Variants in SEMA7A observed in about 807,000 individuals in gnomAD.
SEMA7A encodes semaphorin 7A (JohnMiltonHagen blood group).
SEMA7A carries 21 observed loss-of-function variants against 67.5 expected under a neutral mutation model. The observed-to-expected ratio is 0.31, with a 90% CI of 0.22 to 0.45. The LOEUF (loss-of-function observed/expected upper bound fraction) is 0.45. SEMA7A is among the 20% of genes least tolerant of loss of function. The probability of loss-of-function intolerance (pLI) is 1.00; values close to 1 mark genes in which losing one functional copy is unlikely to be tolerated. For missense variants in SEMA7A, 774 were observed against 908.6 expected, an observed-to-expected ratio of 0.85 and a Z score of 1.90; for synonymous variants, 364 against 368.5, an observed-to-expected ratio of 0.99 and a Z score of 0.14.
chr15:74,428,081 C>G (rs906609532), intron 1 of SEMA7A, among the ~76,000 whole-genome samples: 1 of 152,218 alleles, frequency 6.6e-6, no homozygotes, highest in South Asian at 2.1e-4. Flanking sequence ...TAGCCCGAGC[C>G]GGGACACAGA....
intron 1 of SEMA7A, among the ~76,000 whole-genome samples, chr15:74,426,659 C>T (rs1207811006): frequency 6.6e-6 from 1 of 152,082 alleles, no homozygotes; most frequent in African/African-American, 2.4e-5. Context: ...GCCTGTTATC[C>T]CAGCACTTCG....
chr15:74,410,970 T>C lies in SEMA7A; in HGVS notation c.1655A>G (p.Gln552Arg), dbSNP rs1040006546. The change falls in exon 14 of 14, where the codon CAG becomes CGG. Residue 552 changes from glutamine (Q) to arginine (R), a missense_variant. Physicochemically the swap from Gln to Arg is conservative, Grantham distance 43. Transcript: ENST00000261918. This position sits in a 1 kb window ranked among gnomAD's most constrained non-coding sequence, Gnocchi z 7.5. ...AGAGTTTGGGGCCAGGGAAACCTTCTGCAGTGGGGCCTTGTCTGGGGAGGC... is the reference window on the plus strand; with the variant it reads ...AGAGTTTGGGGCCAGGGAAACCTTCCGCAGTGGGGCCTTGTCTGGGGAGGC... ...PNPKPDKAPLQKVSLAPNSRY... is the reference protein window; with the variant it reads ...PNPKPDKAPLRKVSLAPNSRY... 4 of 1,612,928 alleles carry C rather than the reference T, an allele frequency of 2.5e-6. No individual in the cohort carries two copies. The African/African-American group carries it at 4.0e-5, about 16-fold the overall frequency.
intron 1 of SEMA7A, among the ~76,000 whole-genome samples, chr15:74,431,713 C>G (rs1364738428): frequency 1.3e-5 from 2 of 152,244 alleles, no homozygotes; most frequent in African/African-American, 2.4e-5. Context: ...CCACAGGAGA[C>G]AGGAGGCAGC....
chr15:74,416,336 C>T (rs1406594926), intron 7 of SEMA7A, among the ~76,000 whole-genome samples: 11 of 152,222 alleles, frequency 7.2e-5, no homozygotes, highest in African/African-American at 2.7e-4. Flanking sequence ...CACACACACA[C>T]ACACACCCCA....
chr15:74,416,041 C>T (rs2060945355), intron 7 of SEMA7A, 56 bp from the exon 8 acceptor site: 1 of 1,559,892 alleles, frequency 6.4e-7, no homozygotes, highest in Admixed American at 1.7e-5. Context: ...CTTCCCCACA[C>T]ACCCCAGGAA....
chr15:74,410,478 C>T lies in SEMA7A; in HGVS notation c.*146G>A. On this transcript the variant is annotated 3_prime_UTR_variant, in exon 14 of 14. Transcript: ENST00000261918. The surrounding 1 kb of genome is among the most constrained non-coding windows in gnomAD (Gnocchi z 7.5). Reference sequence around the variant, plus strand: ...CCAGCAGCCGCCTGCGGCTGGACGTCTCCAGGCCTGGCATCCTCCACTGGG... The same window carrying T: ...CCAGCAGCCGCCTGCGGCTGGACGTTTCCAGGCCTGGCATCCTCCACTGGG... 1.6e-6 allele frequency: 2 copies of T among 1,276,728 alleles called. No individual in the cohort carries two copies. The highest frequency in any genetic ancestry group is 1.1e-6 in the Non-Finnish European group (1 of 934,224). The allele number at this position is 1,276,728 out of a possible 1,614,324, so 79.1% of individuals were successfully genotyped here. A position where few individuals can be genotyped will look rare whatever the true frequency, so the allele number is the denominator to read the frequency against.
intron 1 of SEMA7A, among the ~76,000 whole-genome samples, chr15:74,428,765 C>T (rs574720064): frequency 1.3e-5 from 2 of 152,280 alleles, no homozygotes; most frequent in African/African-American, 4.8e-5. Flanking sequence ...AGAGGTCCTC[C>T]GGGAGGCTGG....
intron 8 of SEMA7A, 82 bp downstream of exon 8, chr15:74,415,719 C>T (rs1379455667): frequency 2.2e-6 from 3 of 1,379,450 alleles, no homozygotes; most frequent in Non-Finnish European, 2.9e-6. Context: ...ACCAGGGAGG[C>T]CCTCAGCAGG....
chr15:74,418,423 A>T, intron 2 of SEMA7A, 114 bp from the exon 3 acceptor site: 22 of 998,714 alleles, frequency 2.2e-5, no homozygotes, highest in Non-Finnish European at 3.3e-5. Flanking sequence ...TTCTCATCTG[A>T]CAGATGAGCA....
At chr15:74,416,551 A>G (rs2060950078) in intron 7 of SEMA7A, 24 bp downstream of exon 7, 1 of 1,611,140 alleles carries the variant, frequency 6.2e-7, no homozygotes, top group Non-Finnish European at 8.5e-7. Context: ...ACACGTAGCC[A>G]GCAGCCCTCA....
At position 74,411,247 on chromosome 15, in the gene SEMA7A, G is replaced by T; in HGVS notation, c.1639+48C>A. The T allele has an allele frequency of 6.3e-7, 1 of 1,583,710 alleles. No individual in the cohort carries two copies. Among genetic ancestry groups the T allele is most frequent in the Non-Finnish European group, 8.6e-7 (1 of 1,156,328 alleles). On this transcript the variant is annotated intron_variant, in intron 13 of 13. Transcript: ENST00000261918. The surrounding 1 kb of genome is among the most constrained non-coding windows in gnomAD (Gnocchi z 4.4). ...AGACCAGGACAATCAGGGCAGGGCA[G>T]TACCCCACTCATTGGGCCACAGCCG...
rs533725561 is a variant in SEMA7A at position 74,414,725 on chromosome 15, C to T, written c.1116G>A (p.Pro372=). Residue 372 remains proline, a synonymous_variant, in exon 10 of 14, where the codon CCG becomes CCA. Transcript: ENST00000261918. This position sits in a 1 kb window ranked among gnomAD's most constrained non-coding sequence, Gnocchi z 4.1. ...CCACCTGGAAGGTCTCTGTGGGTAT[C>T]GGCTGCTGGTCTGGGAGGCACTGGG... The part of the protein sequence containing the change: ...RPGKCLPDQQ[P]IPTETFQVAD... 331 of 1,614,126 alleles carry T rather than the reference C, an allele frequency of 2.1e-4. 1 individual carries two copies. The South Asian group carries it at 3.3e-3, about 16-fold the overall frequency.
In SEMA7A at chr15:74,410,472, G is replaced by A. The variant is rs1487927398; in HGVS notation, c.*152C>T. 3 of 1,188,314 alleles carry A rather than the reference G, an allele frequency of 2.5e-6. No individual in the cohort carries two copies. In the East Asian group the frequency reaches 7.5e-5, roughly 30 times the overall value. 73.6% of individuals were successfully genotyped at this position (1,188,314 alleles called of 1,614,324 possible). A position where few individuals can be genotyped will look rare whatever the true frequency, so the allele number is the denominator to read the frequency against. On this transcript the variant is annotated 3_prime_UTR_variant, in exon 14 of 14. Transcript: ENST00000261918. This position sits in a 1 kb window ranked among gnomAD's most constrained non-coding sequence, Gnocchi z 7.5. ...TGGGGCCCAGCAGCCGCCTGCGGCT[G>A]GACGTCTCCAGGCCTGGCATCCTCC... is the stretch of plus-strand genomic sequence containing the variant.
At chr15:74,419,078 G>T in intron 1 of SEMA7A, 126 bp from the exon 2 acceptor site, 2 of 1,104,002 alleles carry the variant, frequency 1.8e-6, no homozygotes, top group Non-Finnish European at 2.6e-6. Context: ...CGTCAGACAA[G>T]CTCTGGGCTG....
rs372573121 is a variant in SEMA7A at position 74,410,406 on chromosome 15, C to T, written c.*218G>A. ...GTCATCGATGCCCCAGCTTCACAGTCGGTGCCCTCATTCTCAGCCCCTCAC... is the reference window on the plus strand; with the variant it reads ...GTCATCGATGCCCCAGCTTCACAGTTGGTGCCCTCATTCTCAGCCCCTCAC... On this transcript the variant is annotated 3_prime_UTR_variant, in exon 14 of 14. Transcript: ENST00000261918. This position sits in a 1 kb window ranked among gnomAD's most constrained non-coding sequence, Gnocchi z 7.5. The T allele has an allele frequency of 3.2e-5, 18 of 567,414 alleles. No homozygotes were observed. Among genetic ancestry groups the T allele is most frequent in the African/African-American group, 2.3e-4 (12 of 52,678 alleles). 35.1% of individuals were successfully genotyped at this position (567,414 alleles called of 1,614,324 possible). A position where few individuals can be genotyped will look rare whatever the true frequency, so the allele number is the denominator to read the frequency against.
intron 1 of SEMA7A, chr15:74,427,127 G>T: frequency 5.5e-6 from 4 of 727,476 alleles, no homozygotes; most frequent in Non-Finnish European, 6.7e-6. Flanking sequence ...ATTCCAGACT[G>T]CTCCAGCCCT....
chr15:74,416,543 A>G, intron 7 of SEMA7A, 32 bp downstream of exon 7: 2 of 1,609,242 alleles, frequency 1.2e-6, no homozygotes, highest in Non-Finnish European at 1.7e-6. Context: ...ATGCACAGAC[A>G]CGTAGCCAGC....
At chr15:74,433,518 C>T (rs1301045069) in intron 1 of SEMA7A, 27 of 1,185,982 alleles carry the variant, frequency 2.3e-5, no homozygotes, top group Non-Finnish European at 2.7e-5. Flanking sequence ...GGGGCTCCGG[C>T]CCCCGCCGCT....
intron 1 of SEMA7A, 183 bp downstream of exon 1, chr15:74,433,558 G>C: frequency 8.2e-7 from 1 of 1,215,954 alleles, no homozygotes; most frequent in Admixed American, 4.3e-5. Flanking sequence ...GCCGGCTCTG[G>C]TGTGCCAGCG....
Sources: allele counts gnomAD v4.1 joint callset (sites outside exome capture counted in the v4.1 genomes callset), GRCh38; gene constraint gnomAD v4.1.1; non-coding constraint Gnocchi (gnomAD v3.1); transcripts MANE v1.5; gene names NCBI Gene and HGNC (gene_info 2026-07-23, HGNC 2026-07-21).